MAN1A1: variants seen among roughly 807,000 people sequenced by gnomAD.
MAN1A1 encodes the protein mannosidase alpha class 1A member 1, also known as mannosyl-oligosaccharide 1,2-alpha-mannosidase IA.
MAN1A1 carries 29 observed loss-of-function variants against 70.8 expected under a neutral mutation model. The observed-to-expected ratio is 0.41, with a 90% confidence interval of 0.31 to 0.56. The LOEUF is 0.56. Among genes scored for constraint, MAN1A1 ranks in the 20% least tolerant of loss-of-function variants. The pLI is 0.29. For synonymous variants in MAN1A1, 349 were observed against 330.1 expected (o/e 1.06, Z -0.62); for missense variants, 747 against 841.3 (o/e 0.89, Z 1.39).
intron 6 of MAN1A1, among the ~76,000 whole-genome samples, chr6:119,239,705 C>T (rs1424838668): frequency 6.6e-6 from 1 of 152,184 alleles, no homozygotes; most frequent in Admixed American, 6.5e-5. Flanking sequence ...GTTTGTCCCA[C>T]AATAACAACG....
At position 119,246,474 on chromosome 6, in the gene MAN1A1, C is replaced by A. The variant is rs182556724; in HGVS notation, c.992+1786G>T. Among the ~76,000 whole-genome samples the A allele has an allele frequency of 4.2e-4, 64 of 152,270 alleles. No individual in the cohort carries two copies. In the East Asian group the frequency reaches 8.5e-3, roughly 20 times the overall value. On this transcript the variant is annotated intron_variant, in intron 6 of 12. Transcript: ENST00000368468. ...CCCCAAAATGTTCACAAAGTAACTA[C>A]TGAGTTCACCTACCTTCCTGGTTAC...
In MAN1A1 at chr6:119,216,730, A is replaced by G. The variant is rs146029184; in HGVS notation, c.993-11848T>C. Among the ~76,000 whole-genome samples, 11 of 152,322 alleles carry G rather than the reference A, an allele frequency of 7.2e-5. No homozygotes were observed. In the East Asian group the frequency reaches 2.1e-3, roughly 29 times the overall value. ...TCATTAAAAAGTATAACAATAACATACATATGGTAAAAAATTGAAAAGAAA... is the reference window on the plus strand; with the variant it reads ...TCATTAAAAAGTATAACAATAACATGCATATGGTAAAAAATTGAAAAGAAA... On this transcript the variant is annotated intron_variant, in intron 6 of 12. Coordinates refer to ENST00000368468, the MANE Select transcript of MAN1A1 (RefSeq NM_005907.4).
intron 2 of MAN1A1, among the ~76,000 whole-genome samples, chr6:119,317,915 A>T (rs187545233): frequency 6.6e-5 from 10 of 152,254 alleles, no homozygotes; most frequent in African/African-American, 2.4e-4. Context: ...TTCTGAAGTA[A>T]CTGTCCTTAA....
intron 5 of MAN1A1, among the ~76,000 whole-genome samples, chr6:119,256,414 A>ATTTT (rs5879493): frequency 1.4e-5 from 2 of 147,788 alleles, no homozygotes; most frequent in Non-Finnish European, 1.5e-5. Context: ...GTATCTCATT[A>ATTTT]TTTTTTTTTT....
intron 2 of MAN1A1, among the ~76,000 whole-genome samples, chr6:119,309,283 A>G (rs1343831302): frequency 1.3e-5 from 2 of 152,236 alleles, no homozygotes; most frequent in African/African-American, 2.4e-5. Context: ...TAGAATAACT[A>G]TAAGCTTCAA....
chr6:119,313,581 G>A (rs1772770043), intron 2 of MAN1A1, among the ~76,000 whole-genome samples: 1 of 151,758 alleles, frequency 6.6e-6, no homozygotes, highest in South Asian at 2.1e-4. Flanking sequence ...CTACGGTTGC[G>A]AGGATGAGAA....
chr6:119,224,579 A>T (rs552722145), intron 6 of MAN1A1, among the ~76,000 whole-genome samples: 10 of 152,324 alleles, frequency 6.6e-5, no homozygotes, highest in Middle Eastern at 6.8e-3. Context: ...AGAAGAACGT[A>T]ATATATCAAA....
In MAN1A1 at chr6:119,290,721, C is replaced by T. The variant is rs1776513908; in HGVS notation, c.859G>A (p.Gly287Ser). The T allele has an allele frequency of 1.2e-6, 2 of 1,610,738 alleles. No individual in the cohort carries two copies. Among genetic ancestry groups the T allele is most frequent in the Admixed American group, 1.7e-5 (1 of 59,742 alleles). Residue 287 changes from glycine (G) to serine (S), a missense_variant, in exon 5 of 13, where the codon GGT becomes AGT. By Grantham distance (56) the Gly-to-Ser change is moderately conservative. Around this residue, in one of 2 missense-constraint regions of MAN1A1, gnomAD observed 419 missense variants for 548.2 expected, o/e 0.76. Transcript: ENST00000368468. The stretch of plus-strand genomic sequence containing the variant: ...AGATAGTAGGCTGAGAGTAGTCCAC[C>T]AACAAAGCGTATATTTACTTCAAAG... ...SVFEVNIRFV[G>S]GLLSAYYLSG...
chr6:119,307,156 T>C (rs910262906), intron 2 of MAN1A1, among the ~76,000 whole-genome samples, 164 bp from the exon 3 acceptor site: 6 of 152,192 alleles, frequency 3.9e-5, no homozygotes, highest in African/African-American at 1.4e-4. Flanking sequence ...CACATGCTCA[T>C]ACAAACATGC....
At chr6:119,248,709 C>G (rs1052453485) in intron 5 of MAN1A1, among the ~76,000 whole-genome samples, 1 of 152,146 alleles carries the variant, frequency 6.6e-6, no homozygotes, top group Admixed American at 6.5e-5. Flanking sequence ...TTTCAATGTG[C>G]AAGCCAGTGG....
chr6:119,349,676 G>C lies in MAN1A1; in HGVS notation c.-357C>G. ...CCCACGGTCCCGCAGCCCCGGCGCG[G>C]CTCAGGTGGGCGAGCGCGCCGACCT... On this transcript the variant is annotated 5_prime_UTR_variant, in exon 1 of 13. Transcript: ENST00000368468. 1.0e-6 allele frequency: 1 copy of C among 985,888 alleles called. No individual in the cohort carries two copies. Among genetic ancestry groups the C allele is most frequent in the Non-Finnish European group, 1.2e-6 (1 of 830,034 alleles). The allele number at this position is 985,888 out of a possible 1,614,324, so 61.1% of individuals were successfully genotyped here.
intron 6 of MAN1A1, among the ~76,000 whole-genome samples, chr6:119,229,349 C>T (rs147148074): frequency 5.3e-5 from 8 of 152,190 alleles, no homozygotes; most frequent in African/African-American, 1.7e-4. Flanking sequence ...ATGTACATTG[C>T]ACATTAGCCA....
chr6:119,336,301 C>CT (rs1023362924), intron 2 of MAN1A1, among the ~76,000 whole-genome samples: 9 of 152,262 alleles, frequency 5.9e-5, no homozygotes, highest in Non-Finnish European at 1.3e-4. Flanking sequence ...AATTCCTGGC[C>CT]TCAAGTGATC....
chr6:119,332,857 A>G (rs1773355281), intron 2 of MAN1A1, among the ~76,000 whole-genome samples: 2 of 152,288 alleles, frequency 1.3e-5, no homozygotes, highest in South Asian at 4.1e-4. Flanking sequence ...TTCTTTTTAA[A>G]AGAGAAATAT....
chr6:119,205,679 A>G (rs1049320202), intron 6 of MAN1A1, among the ~76,000 whole-genome samples: 2 of 152,230 alleles, frequency 1.3e-5, no homozygotes, highest in Non-Finnish European at 2.9e-5. Flanking sequence ...ACTCTTGGGT[A>G]CAGTTTATTT....
intron 2 of MAN1A1, among the ~76,000 whole-genome samples, chr6:119,335,675 G>A (rs1773432166): frequency 2.0e-5 from 3 of 152,234 alleles, no homozygotes; most frequent in Admixed American, 1.3e-4. Context: ...GGAGAAATCA[G>A]TGAAGGTTGA....
chr6:119,222,105 A>G (rs1225592189), intron 6 of MAN1A1, among the ~76,000 whole-genome samples: 1 of 152,130 alleles, frequency 6.6e-6, no homozygotes, highest in Non-Finnish European at 1.5e-5. Context: ...ATGACCTAGT[A>G]TGTTGTCCAT....
chr6:119,247,472 T>C (rs1280441091), intron 6 of MAN1A1, among the ~76,000 whole-genome samples: 2 of 152,210 alleles, frequency 1.3e-5, no homozygotes, highest in South Asian at 4.1e-4. Flanking sequence ...CTATCATCAC[T>C]GTCTCATCAT....
At chr6:119,345,828 G>A (rs1002785331) in intron 2 of MAN1A1, among the ~76,000 whole-genome samples, 1 of 152,160 alleles carries the variant, frequency 6.6e-6, no homozygotes, top group African/African-American at 2.4e-5. Context: ...ACAGGAACAG[G>A]TCAGGCATGG....
Sources: gnomAD v4.1 joint callset for allele counts (sites outside exome capture counted in the v4.1 genomes callset) on GRCh38, gnomAD v4.1.1 for gene constraint, gnomAD v4.1.1 regional missense constraint, MANE v1.5 for transcripts, NCBI Gene and HGNC (gene_info 2026-07-23, HGNC 2026-07-21) for gene names.